The following DCSTAMP variants were observed in gnomAD, a reference collection of about 807,000 sequenced individuals.
The protein encoded by DCSTAMP is dendrocyte expressed seven transmembrane protein, also known as dendritic cell-specific transmembrane protein.
In DCSTAMP, 25 loss-of-function variants were observed where a neutral mutation model predicts 33.8. That is an observed-to-expected ratio of 0.74 (90% CI 0.54 to 1.03). The LOEUF (loss-of-function observed/expected upper bound fraction) is 1.03. Ranked by LOEUF, DCSTAMP falls within the 50% of genes least tolerant of loss-of-function variation. The probability of loss-of-function intolerance (pLI) is 0.00; values close to 1 mark genes in which losing one functional copy is unlikely to be tolerated. For missense variants in DCSTAMP, 531 were observed against 556.8 expected (o/e 0.95, Z 0.47); for synonymous variants, 245 against 216.7 (o/e 1.13, Z -1.15).
intron 2 of DCSTAMP, 133 bp downstream of exon 2, chr8:104,349,714 G>A: frequency 1.0e-6 from 1 of 994,588 alleles, no homozygotes; most frequent in Non-Finnish European, 1.5e-6. Context: ...ATAGTGCTTG[G>A]CACATAGAAG....
At chr8:104,344,585 AG>A (rs1257667766) in intron 1 of DCSTAMP, among the ~76,000 whole-genome samples, 7 of 152,162 alleles carry the variant, frequency 4.6e-5, no homozygotes, top group Admixed American at 2.0e-4. Context: ...GCCAACTCTC[AG>A]GGGCCACCCT....
chr8:104,354,528 TAA>T (rs1412317845), intron 2 of DCSTAMP, among the ~76,000 whole-genome samples: 1 of 152,222 alleles, frequency 6.6e-6, no homozygotes, highest in East Asian at 1.9e-4. Flanking sequence ...CTGCTAAAAT[TAA>T]AAGATTCCTC....
chr8:104,341,204 T>C (rs2099382770), intron 1 of DCSTAMP, among the ~76,000 whole-genome samples: 1 of 152,230 alleles, frequency 6.6e-6, no homozygotes. Context: ...ACATGGGTGA[T>C]GTGCAGCTTC....
intron 1 of DCSTAMP, among the ~76,000 whole-genome samples, chr8:104,341,879 A>G (rs1218168842): frequency 2.0e-5 from 3 of 152,202 alleles, no homozygotes; most frequent in Non-Finnish European, 4.4e-5. Context: ...GAGAGTGGCC[A>G]TTACTCTAGG....
intron 1 of DCSTAMP, among the ~76,000 whole-genome samples, chr8:104,345,185 AAAC>A (rs201036417): frequency 0.013 from 1,945 of 152,286 alleles, 28 homozygotes; most frequent in Middle Eastern, 0.02. Flanking sequence ...GGCAGCAAAG[AAAC>A]AACAAGGAAT....
intron 2 of DCSTAMP, among the ~76,000 whole-genome samples, chr8:104,350,242 G>A: frequency 6.6e-6 from 1 of 152,142 alleles, no homozygotes; most frequent in East Asian, 1.9e-4. Context: ...ACTGAAATGT[G>A]GAAATAAGTA....
intron 1 of DCSTAMP, among the ~76,000 whole-genome samples, chr8:104,343,620 A>T (rs2099383345): frequency 6.6e-6 from 1 of 152,238 alleles, no homozygotes; most frequent in Non-Finnish European, 1.5e-5. Flanking sequence ...CTATAAGAAG[A>T]GGAAAATGTA....
In DCSTAMP at chr8:104,348,602, T is replaced by C. The variant is rs1406670379; in HGVS notation, c.50T>C (p.Ile17Thr). The C allele has an allele frequency of 6.2e-7, 1 of 1,614,198 alleles. No homozygotes were observed. Among genetic ancestry groups the C allele is most frequent in the Non-Finnish European group, 8.5e-7 (1 of 1,180,038 alleles). Residue 17 changes from isoleucine to threonine, a missense_variant, in exon 2 of 4, where the codon ATT becomes ACT. Coordinates refer to ENST00000297581, the MANE Select transcript of DCSTAMP (RefSeq NM_030788.4). ...GTDIFLSLWE[I>T]YVSPRSPGWM... ...GATATCTTCCTAAGTCTTTGGGAGATTTACGTGTCTCCAAGAAGCCCCGGA... is the reference window on the plus strand; with the variant it reads ...GATATCTTCCTAAGTCTTTGGGAGACTTACGTGTCTCCAAGAAGCCCCGGA...
intron 2 of DCSTAMP, among the ~76,000 whole-genome samples, chr8:104,353,745 G>A (rs570429515): frequency 3.3e-5 from 5 of 152,356 alleles, no homozygotes; most frequent in Admixed American, 1.3e-4. Flanking sequence ...GGTGCCCAGC[G>A]TCCGCTGGGT....
chr8:104,352,315 G>A (rs761427490), intron 2 of DCSTAMP, among the ~76,000 whole-genome samples: 8 of 152,116 alleles, frequency 5.3e-5, no homozygotes, highest in Non-Finnish European at 1.0e-4. Context: ...GAAGAATCCC[G>A]TTAATTACAA....
chr8:104,346,260 C>A (rs991954110), intron 1 of DCSTAMP, among the ~76,000 whole-genome samples: 1 of 152,366 alleles, frequency 6.6e-6, no homozygotes, highest in South Asian at 2.1e-4. Context: ...GGTTTGGGGT[C>A]AAACCCAAAG....
At chr8:104,343,784 C>T (rs2099383394) in intron 1 of DCSTAMP, among the ~76,000 whole-genome samples, 1 of 152,248 alleles carries the variant, frequency 6.6e-6, no homozygotes, top group African/African-American at 2.4e-5. Flanking sequence ...CCCACCTTCT[C>T]TCCCCGCCAT....
At chr8:104,352,626 C>T (rs1357207205) in intron 2 of DCSTAMP, among the ~76,000 whole-genome samples, 3 of 152,052 alleles carry the variant, frequency 2.0e-5, no homozygotes, top group Non-Finnish European at 4.4e-5. Flanking sequence ...GCTCTGCCTT[C>T]CAAAAAAACC....
At chr8:104,354,187 A>T (rs2140478530) in intron 2 of DCSTAMP, among the ~76,000 whole-genome samples, 2 of 152,322 alleles carry the variant, frequency 1.3e-5, no homozygotes, top group East Asian at 3.9e-4. Context: ...CTGCCCAAAC[A>T]TGATTTCAGA....
chr8:104,345,342 C>T (rs1271056694), intron 1 of DCSTAMP, among the ~76,000 whole-genome samples: 5 of 152,112 alleles, frequency 3.3e-5, no homozygotes, highest in Admixed American at 2.0e-4. Flanking sequence ...CCACAGTCAA[C>T]GATGCCAAAA....
In DCSTAMP at chr8:104,349,018, A is replaced by T; in HGVS notation, c.466A>T (p.Thr156Ser). 1.2e-6 allele frequency: 2 copies of T among 1,614,148 alleles called. No homozygotes were observed. Among genetic ancestry groups the T allele is most frequent in the Non-Finnish European group, 1.7e-6 (2 of 1,180,036 alleles). Reference sequence around the variant, plus strand: ...AATTCAGTGGATTTATGGCCTTGCCACTCCACTAAGTGTATTTGATGACCT... The same window carrying T: ...AATTCAGTGGATTTATGGCCTTGCCTCTCCACTAAGTGTATTTGATGACCT... ...EAIQWIYGLA[T>S]PLSVFDDLVS... Residue 156 changes from threonine (T) to serine (S), a missense_variant, in exon 2 of 4, where the codon ACT becomes TCT. Coordinates refer to ENST00000297581, the MANE Select transcript of DCSTAMP (RefSeq NM_030788.4).
At chr8:104,339,990 T>C (rs2099382473) in intron 1 of DCSTAMP, 128 bp downstream of exon 1, 1 of 152,278 alleles carries the variant, frequency 6.6e-6, no homozygotes, top group African/African-American at 2.4e-5. Flanking sequence ...TCCCTATGTA[T>C]GGAAGTATCA....
intron 1 of DCSTAMP, among the ~76,000 whole-genome samples, chr8:104,342,710 C>T (rs940937709): frequency 6.6e-6 from 1 of 152,192 alleles, no homozygotes; most frequent in Non-Finnish European, 1.5e-5. Context: ...GACCCCAGCT[C>T]AACAGGGAAG....
intron 1 of DCSTAMP, chr8:104,340,195 A>G (rs1396294847): frequency 6.6e-6 from 1 of 152,208 alleles, no homozygotes; most frequent in African/African-American, 2.4e-5. Flanking sequence ...AGCTCCCGGC[A>G]CCTGGCACAC....
Sources: gnomAD v4.1 joint callset for allele counts (sites outside exome capture counted in the v4.1 genomes callset) on GRCh38, gnomAD v4.1.1 for gene constraint, MANE v1.5 for transcripts, NCBI Gene and HGNC (gene_info 2026-07-23, HGNC 2026-07-21) for gene names.